The following ARHGAP12 variants were observed in gnomAD, a reference collection of about 807,000 sequenced individuals.
ARHGAP12 encodes rho GTPase-activating protein 12.
Under a neutral mutation model 108.6 loss-of-function variants are expected in ARHGAP12, and 64 were observed. The observed-to-expected ratio is 0.59, with a 90% CI of 0.48 to 0.73. The LOEUF (loss-of-function observed/expected upper bound fraction) is 0.73, where lower values mean the gene tolerates loss of function less well. Ranked by LOEUF, ARHGAP12 falls within the 30% of genes least tolerant of loss-of-function variation. The probability of loss-of-function intolerance (pLI) is 0.00; values close to 1 mark genes in which losing one functional copy is unlikely to be tolerated. For synonymous variants in ARHGAP12, 312 were observed against 337.2 expected (o/e 0.93, Z 0.82); for missense variants, 940 against 1,005.9 (o/e 0.93, Z 0.89).
chr10:31,835,590 G>C (rs1835987025), intron 9 of ARHGAP12, among the ~76,000 whole-genome samples: 1 of 152,188 alleles, frequency 6.6e-6, no homozygotes, highest in African/African-American at 2.4e-5. Context: ...ATTTCTAATT[G>C]ATGTTGCATT....
intron 3 of ARHGAP12, among the ~76,000 whole-genome samples, chr10:31,867,617 T>C (rs1050527617): frequency 6.6e-6 from 1 of 152,198 alleles, no homozygotes; most frequent in African/African-American, 2.4e-5. Flanking sequence ...GTAACAACTC[T>C]AGTTTACTGC....
At chr10:31,882,343 GT>G (rs748197662) in intron 3 of ARHGAP12, among the ~76,000 whole-genome samples, 7 of 151,870 alleles carry the variant, frequency 4.6e-5, no homozygotes, top group Admixed American at 6.6e-5. Context: ...ATTACTTTTT[GT>G]CCCCAAAAGT....
chr10:31,849,401 G>A (rs767032604), intron 6 of ARHGAP12, among the ~76,000 whole-genome samples: 86 of 152,248 alleles, frequency 5.6e-4, no homozygotes, highest in Non-Finnish European at 9.7e-4. Flanking sequence ...TAAAGACCAT[G>A]TCCTATGTAT....
intron 7 of ARHGAP12, among the ~76,000 whole-genome samples, chr10:31,840,928 A>C (rs1048969550): frequency 1.3e-5 from 2 of 148,308 alleles, no homozygotes; most frequent in South Asian, 4.1e-4. Context: ...ATCTCACTTA[A>C]GTATTTTTTT....
At chr10:31,925,991 T>C (rs770897115) in intron 1 of ARHGAP12, among the ~76,000 whole-genome samples, 15 of 152,136 alleles carry the variant, frequency 9.9e-5, no homozygotes, top group Non-Finnish European at 1.9e-4. Context: ...CTTTTTATAA[T>C]GTGAATACTA....
At chr10:31,869,539 A>G (rs773419699) in intron 3 of ARHGAP12, among the ~76,000 whole-genome samples, 13 of 90,414 alleles carry the variant, frequency 1.4e-4, no homozygotes, top group Non-Finnish European at 2.1e-4. Context: ...TCTGTCTCAA[A>G]AACAAACAAA....
intron 3 of ARHGAP12, among the ~76,000 whole-genome samples, chr10:31,878,556 A>T (rs981861628): frequency 1.3e-5 from 2 of 152,232 alleles, no homozygotes; most frequent in Non-Finnish European, 2.9e-5. Context: ...TGAGGCAAAA[A>T]GTGTAAAAAA....
chr10:31,856,184 A>T (rs2808089), intron 4 of ARHGAP12, among the ~76,000 whole-genome samples: 68,755 of 151,292 alleles, frequency 0.45, 15,976 homozygotes, highest in Middle Eastern at 0.51. Context: ...AATTTTTTTT[A>T]AAATAATCTA....
At position 31,838,196 on chromosome 10, in the gene ARHGAP12, A is replaced by G. The variant is rs149967994; in HGVS notation, c.1386+1109T>C. 4.5e-3 allele frequency among the ~76,000 whole-genome samples: 678 copies of G among 152,310 alleles called. 2 individuals carry two copies. The highest frequency in any genetic ancestry group is 8.4e-3 in the Admixed American group (128 of 15,296). On this transcript the variant is annotated intron_variant, in intron 9 of 19. Coordinates refer to ENST00000344936, the MANE Select transcript of ARHGAP12 (RefSeq NM_018287.7). ...AAGATGTCGGGGAGAATGTTTCAGC[A>G]TGCAGAAGAAATGACACACACAAGG...
At chr10:31,844,840 A>G (rs1165560606) in intron 6 of ARHGAP12, among the ~76,000 whole-genome samples, 2 of 151,808 alleles carry the variant, frequency 1.3e-5, no homozygotes, top group African/African-American at 2.4e-5. Context: ...CCTACCCACC[A>G]ACGACTCCCT....
chr10:31,876,147 G>C (rs1044299471), intron 3 of ARHGAP12, among the ~76,000 whole-genome samples: 7 of 152,080 alleles, frequency 4.6e-5, no homozygotes, highest in Admixed American at 1.3e-4. Flanking sequence ...CAGTTCTTTG[G>C]GGTAGGTACC....
chr10:31,846,549 C>T (rs547763256), intron 6 of ARHGAP12, among the ~76,000 whole-genome samples: 4 of 152,302 alleles, frequency 2.6e-5, no homozygotes, highest in African/African-American at 9.6e-5. Flanking sequence ...TTCTTTCTGG[C>T]TTCCATGGCT....
At chr10:31,902,614 T>G (rs988435020) in intron 3 of ARHGAP12, among the ~76,000 whole-genome samples, 4 of 146,784 alleles carry the variant, frequency 2.7e-5, no homozygotes, top group Non-Finnish European at 6.1e-5. Flanking sequence ...AAGGTTCTAA[T>G]GAGCTACAAT....
At chr10:31,808,492 G>A (rs915056311) in intron 19 of ARHGAP12, 157 bp downstream of exon 19, 2 of 614,406 alleles carry the variant, frequency 3.3e-6, no homozygotes, top group Non-Finnish European at 2.9e-6. Flanking sequence ...ACCCATGACA[G>A]ACTGATACTA....
At chr10:31,858,179 T>A (rs987469855) in intron 4 of ARHGAP12, among the ~76,000 whole-genome samples, 1 of 152,144 alleles carries the variant, frequency 6.6e-6, no homozygotes, top group African/African-American at 2.4e-5. Flanking sequence ...TACCCCAGCC[T>A]GGGCAACAGA....
At chr10:31,809,149 G>T in intron 17 of ARHGAP12, 21 bp from the exon 18 acceptor site, 1 of 1,612,938 alleles carries the variant, frequency 6.2e-7, no homozygotes, top group South Asian at 1.1e-5. Flanking sequence ...GCAGGAATTG[G>T]ACATTTTAAA....
At chr10:31,927,128 T>C (rs1252798583) in intron 1 of ARHGAP12, among the ~76,000 whole-genome samples, 3 of 152,022 alleles carry the variant, frequency 2.0e-5, no homozygotes, top group Admixed American at 6.6e-5. Flanking sequence ...GTCGCACATA[T>C]GTGCGCAGAC....
intron 3 of ARHGAP12, among the ~76,000 whole-genome samples, chr10:31,873,783 T>A (rs553693271): frequency 6.6e-6 from 1 of 152,270 alleles, no homozygotes; most frequent in African/African-American, 2.4e-5. Context: ...TAGAAACTTA[T>A]TGATGAAACC....
chr10:31,905,380 A>G (rs1474343526), intron 3 of ARHGAP12, among the ~76,000 whole-genome samples: 4 of 152,212 alleles, frequency 2.6e-5, no homozygotes, highest in Non-Finnish European at 4.4e-5. Flanking sequence ...ACAAGCGCAC[A>G]CTAAAATTCT....
Sources: allele counts gnomAD v4.1 joint callset (sites outside exome capture counted in the v4.1 genomes callset), GRCh38; gene constraint gnomAD v4.1.1; transcripts MANE v1.5; gene names NCBI Gene and HGNC (gene_info 2026-07-23, HGNC 2026-07-21).